The following CSTPP1 variants were observed in gnomAD, a reference collection of about 807,000 sequenced individuals.
CSTPP1 encodes the protein UPF0705 protein C11orf49.
chr11:47,140,150 C>A, the CSTPP1 span, among the ~76,000 whole-genome samples: 24 of 152,238 alleles, frequency 1.6e-4, no homozygotes, highest in East Asian at 4.6e-3. Context: ...ATCACACATG[C>A]AAAATTTTGT....
chr11:47,155,203 C>T, the CSTPP1 span: 169 of 1,613,708 alleles, frequency 1.0e-4, no homozygotes, highest in Non-Finnish European at 1.4e-4. Context: ...ATGCCATGGA[C>T]TGCTTGATGT....
the CSTPP1 span, among the ~76,000 whole-genome samples, chr11:47,044,128 A>G: frequency 2.4e-4 from 37 of 152,156 alleles, no homozygotes; most frequent in African/African-American, 8.9e-4. Flanking sequence ...CTGGGATTAC[A>G]GGCATGCACC....
chr11:47,049,337 T>C, the CSTPP1 span, among the ~76,000 whole-genome samples: 2 of 151,902 alleles, frequency 1.3e-5, no homozygotes, highest in African/African-American at 4.8e-5. Flanking sequence ...TTCAGACATT[T>C]TCAAAAATAT....
the CSTPP1 span, among the ~76,000 whole-genome samples, chr11:47,113,191 T>A: frequency 6.6e-6 from 1 of 152,222 alleles, no homozygotes; most frequent in Non-Finnish European, 1.5e-5. Flanking sequence ...TATGGCTGCA[T>A]AGTATTCCAT....
At chr11:47,162,186 C>G in the CSTPP1 span, 1 of 985,480 alleles carries the variant, frequency 1.0e-6, no homozygotes, top group Non-Finnish European at 1.2e-6. Flanking sequence ...AGTCTTGACC[C>G]CTTTGTGTCT....
the CSTPP1 span, among the ~76,000 whole-genome samples, chr11:47,016,421 A>C: frequency 2.0e-5 from 3 of 151,656 alleles, 1 homozygote; most frequent in East Asian, 1.9e-4. Flanking sequence ...CAAAAAAAAA[A>C]CGCTACTAGA....
chr11:47,069,902 C>CGGGG, the CSTPP1 span, among the ~76,000 whole-genome samples: 1 of 151,976 alleles, frequency 6.6e-6, no homozygotes, highest in Non-Finnish European at 1.5e-5. Context: ...TTAGTAGAGA[C>CGGGG]GGGGGTTTCA....
chr11:47,030,636 C>G, the CSTPP1 span, among the ~76,000 whole-genome samples: 4 of 151,966 alleles, frequency 2.6e-5, no homozygotes, highest in African/African-American at 9.7e-5. Flanking sequence ...AAGCCTAGTA[C>G]CCATTAGTTG....
At chr11:46,957,395 A>C in the CSTPP1 span, among the ~76,000 whole-genome samples, 1 of 152,150 alleles carries the variant, frequency 6.6e-6, no homozygotes, top group South Asian at 2.1e-4. Context: ...GGTGCATGCA[A>C]AGTAATATTT....
the CSTPP1 span, among the ~76,000 whole-genome samples, chr11:47,022,735 T>C: frequency 6.6e-6 from 1 of 152,194 alleles, no homozygotes; most frequent in Non-Finnish European, 1.5e-5. Flanking sequence ...TTTCTAAGAC[T>C]AATATTTTTA....
At chr11:47,158,530 GGTTTTTT>G in the CSTPP1 span, among the ~76,000 whole-genome samples, 36 of 152,040 alleles carry the variant, frequency 2.4e-4, no homozygotes, top group Middle Eastern at 3.4e-3. Flanking sequence ...TACAGTTTAA[GGTTTTTT>G]GTTTTTTGTT....
chr11:47,113,085 G>T, the CSTPP1 span, among the ~76,000 whole-genome samples: 1 of 152,202 alleles, frequency 6.6e-6, no homozygotes, highest in Admixed American at 6.5e-5. Flanking sequence ...GTGAGAACAT[G>T]TGGTGTTTGG....
the CSTPP1 span, among the ~76,000 whole-genome samples, chr11:46,999,442 G>A: frequency 6.6e-6 from 1 of 152,090 alleles, no homozygotes; most frequent in Admixed American, 6.6e-5. Context: ...CAGTATTATA[G>A]AGTCCACTGT....
At chr11:47,013,282 A>G in the CSTPP1 span, among the ~76,000 whole-genome samples, 1 of 151,558 alleles carries the variant, frequency 6.6e-6, no homozygotes, top group Non-Finnish European at 1.5e-5. Context: ...CATGTACAGG[A>G]TATGCAGGTT....
chr11:47,087,830 G>T, the CSTPP1 span, among the ~76,000 whole-genome samples: 1 of 152,080 alleles, frequency 6.6e-6, no homozygotes, highest in African/African-American at 2.4e-5. Flanking sequence ...GGTTCTAAAG[G>T]CTGGGAATCC....
At chr11:47,159,731 T>G in the CSTPP1 span, 1 of 455,732 alleles carries the variant, frequency 2.2e-6, no homozygotes, top group Non-Finnish European at 4.4e-6. Context: ...ACTGGCTGGG[T>G]GTGGTGGCTC....
chr11:47,030,913 C>T, the CSTPP1 span, among the ~76,000 whole-genome samples: 11 of 152,250 alleles, frequency 7.2e-5, no homozygotes, highest in South Asian at 1.5e-3. Context: ...TTCTTCATCC[C>T]GTCTATCACT....
chr11:47,053,547 G>A, the CSTPP1 span, among the ~76,000 whole-genome samples: 1 of 151,614 alleles, frequency 6.6e-6, no homozygotes, highest in Admixed American at 6.6e-5. Flanking sequence ...TGAACCCTGG[G>A]GGACAGAGGT....
At chr11:47,047,575 CAG>C in the CSTPP1 span, among the ~76,000 whole-genome samples, 17 of 152,238 alleles carry the variant, frequency 1.1e-4, no homozygotes, top group South Asian at 4.1e-4. Flanking sequence ...TAGAAGAAAA[CAG>C]GGGACAGTTT....
Sources: allele counts gnomAD v4.1 joint callset (sites outside exome capture counted in the v4.1 genomes callset), GRCh38; gene constraint gnomAD v4.1.1; transcripts MANE v1.5; gene names NCBI Gene and HGNC (gene_info 2026-07-23, HGNC 2026-07-21).